FBN2: variants seen among roughly 807,000 people sequenced by gnomAD.
FBN2 encodes the protein fibrillin-2.
Under a neutral mutation model 355.6 loss-of-function variants are expected in FBN2, and 105 were observed. The ratio of observed to expected loss-of-function variants is 0.30; its 90% CI spans 0.25 to 0.35. FBN2 has a LOEUF of 0.35. FBN2 is among the 10% of genes least tolerant of loss of function. The probability of loss-of-function intolerance (pLI) is 1.00; values close to 1 mark genes in which losing one functional copy is unlikely to be tolerated. For missense variants in FBN2, 3,280 were observed against 3,758.7 expected (o/e 0.87, Z 3.33); for synonymous variants, 1,350 against 1,301.2 (o/e 1.04, Z -0.81).
chr5:128,396,918 A>G (rs1334007269), intron 8 of FBN2, among the ~76,000 whole-genome samples: 1 of 152,178 alleles, frequency 6.6e-6, no homozygotes. Context: ...TAAAGTTAAA[A>G]TTTTTAGCAC....
rs895449901 is a variant in FBN2 at position 128,258,207 on chromosome 5, G to C, written c.*1248C>G. 5 of 152,582 alleles carry C rather than the reference G, an allele frequency of 3.3e-5. No individual in the cohort carries two copies. The highest frequency in any genetic ancestry group is 7.2e-5 in the African/African-American group (3 of 41,424). 9.5% of individuals were successfully genotyped at this position (152,582 alleles called of 1,614,324 possible). On this transcript the variant is annotated 3_prime_UTR_variant, in exon 65 of 65. Coordinates refer to ENST00000262464, the MANE Select transcript of FBN2 (RefSeq NM_001999.4). ...TCCAGGAAACAGGTTCTTGGGTTGA[G>C]AAGAATAATGGATACGTGCTCTTAA... is the stretch of plus-strand genomic sequence containing the variant.
chr5:128,509,619 G>T (rs1396072591), intron 5 of FBN2, among the ~76,000 whole-genome samples: 2 of 151,426 alleles, frequency 1.3e-5, no homozygotes, highest in South Asian at 2.1e-4. Flanking sequence ...CAAAATTTTT[G>T]ATTGCAGATA....
At chr5:128,323,192 G>A (rs567192409) in intron 34 of FBN2, among the ~76,000 whole-genome samples, 1 of 152,136 alleles carries the variant, frequency 6.6e-6, no homozygotes. Flanking sequence ...ATACAATCAT[G>A]TCATCTGCAA....
intron 4 of FBN2, among the ~76,000 whole-genome samples, chr5:128,522,965 TAGA>T (rs1026542053): frequency 6.6e-5 from 10 of 152,150 alleles, no homozygotes; most frequent in Non-Finnish European, 1.5e-4. Context: ...ACCAAAATCC[TAGA>T]AGGAGAAAAC....
chr5:128,331,417 T>C (rs189968539), intron 32 of FBN2, among the ~76,000 whole-genome samples: 43 of 151,582 alleles, frequency 2.8e-4, no homozygotes, highest in African/African-American at 1.0e-3. Context: ...ACTGAAAAAA[T>C]GAAAGGAGGT....
intron 11 of FBN2, among the ~76,000 whole-genome samples, chr5:128,386,204 T>A (rs905177906): frequency 6.6e-6 from 1 of 152,204 alleles, no homozygotes; most frequent in African/African-American, 2.4e-5. Context: ...TTGTATATGA[T>A]GAAAAGAAGG....
intron 60 of FBN2, 37 bp from the exon 61 acceptor site, chr5:128,274,005 C>A (rs1765326149): frequency 6.2e-7 from 1 of 1,612,092 alleles, no homozygotes; most frequent in South Asian, 1.1e-5. Context: ...TCAAACTTTC[C>A]AATCATAACA....
At chr5:128,287,106 A>G (rs1749175939) in intron 54 of FBN2, among the ~76,000 whole-genome samples, 1 of 152,210 alleles carries the variant, frequency 6.6e-6, no homozygotes, top group South Asian at 2.1e-4. Flanking sequence ...GGGCTTCTCA[A>G]CCCATCTTAT....
At chr5:128,523,876 G>A (rs1581370044) in intron 4 of FBN2, among the ~76,000 whole-genome samples, 2 of 151,956 alleles carry the variant, frequency 1.3e-5, no homozygotes, top group African/African-American at 2.4e-5. Flanking sequence ...TACAGCTGCA[G>A]CATTGTTCAC....
In FBN2 at chr5:128,435,571, T is replaced by C. The variant is rs145656483; in HGVS notation, c.952+10910A>G. 1.1e-3 allele frequency among the ~76,000 whole-genome samples: 171 copies of C among 152,236 alleles called. 1 individual carries two copies. Among genetic ancestry groups the C allele is most frequent in the African/African-American group, 4.0e-3 (166 of 41,550 alleles). ...ATTCCTATTGTAAAGATGCAGGCATTAATTTTCTTGAGATGACACAATTCA... is the reference window on the plus strand; with the variant it reads ...ATTCCTATTGTAAAGATGCAGGCATCAATTTTCTTGAGATGACACAATTCA... On this transcript the variant is annotated intron_variant, in intron 7 of 64. Transcript: ENST00000262464.
chr5:128,350,768 T>A, intron 21 of FBN2, 100 bp downstream of exon 21: 1 of 1,353,418 alleles, frequency 7.4e-7, no homozygotes, highest in African/African-American at 1.4e-5. Flanking sequence ...GTAAATGATC[T>A]CTGACCTTCT....
At chr5:128,314,395 G>A (rs1383415761) in intron 36 of FBN2, among the ~76,000 whole-genome samples, 3 of 150,438 alleles carry the variant, frequency 2.0e-5, no homozygotes, top group African/African-American at 7.3e-5. Flanking sequence ...GCACTATCTC[G>A]GCCCACTGCA....
At chr5:128,331,132 T>C (rs990626363) in intron 32 of FBN2, among the ~76,000 whole-genome samples, 1 of 152,274 alleles carries the variant, frequency 6.6e-6, no homozygotes, top group East Asian at 1.9e-4. Flanking sequence ...TGGAATCCCT[T>C]AGTTGAGCAG....
At chr5:128,406,151 C>T (rs2126996668) in intron 8 of FBN2, among the ~76,000 whole-genome samples, 1 of 152,298 alleles carries the variant, frequency 6.6e-6, no homozygotes, top group South Asian at 2.1e-4. Flanking sequence ...GTAGTTCTCC[C>T]TTATCTGCGG....
intron 25 of FBN2, among the ~76,000 whole-genome samples, chr5:128,341,692 C>T (rs1751024659): frequency 6.6e-6 from 1 of 152,206 alleles, no homozygotes; most frequent in Non-Finnish European, 1.5e-5. Context: ...AGTGGGACTG[C>T]ATCATAGCCC....
chr5:128,456,021 A>AAAAAAAAAAAC (rs1182047917), intron 6 of FBN2, among the ~76,000 whole-genome samples: 2 of 148,968 alleles, frequency 1.3e-5, no homozygotes, highest in Non-Finnish European at 1.5e-5. Context: ...AAAAAAAAAA[A>AAAAAAAAAAAC]AAGCAACTGC....
At chr5:128,511,266 G>A (rs1756121331) in intron 5 of FBN2, among the ~76,000 whole-genome samples, 1 of 152,164 alleles carries the variant, frequency 6.6e-6, no homozygotes, top group African/African-American at 2.4e-5. Context: ...CTGCTTTCAA[G>A]CATACAAGTC....
At chr5:128,278,590 AAT>A in intron 57 of FBN2, 43 bp downstream of exon 57, 1 of 1,556,546 alleles carries the variant, frequency 6.4e-7, no homozygotes, top group South Asian at 1.1e-5. Context: ...GAATTCATAA[AAT>A]TTAATGTGTT....
intron 34 of FBN2, among the ~76,000 whole-genome samples, chr5:128,322,106 T>C (rs998552690): frequency 3.3e-5 from 5 of 152,226 alleles, no homozygotes; most frequent in Non-Finnish European, 7.3e-5. Flanking sequence ...AAATTGTCTG[T>C]TCATATCCAT....
Sources: allele counts gnomAD v4.1 joint callset (sites outside exome capture counted in the v4.1 genomes callset), GRCh38; gene constraint gnomAD v4.1.1; transcripts MANE v1.5; gene names NCBI Gene and HGNC (gene_info 2026-07-23, HGNC 2026-07-21).